The following COL23A1 variants were observed in gnomAD, a reference collection of about 807,000 sequenced individuals.
The protein encoded by COL23A1 is collagen type XXIII alpha 1 chain, also known as collagen alpha-1(XXIII) chain.
A neutral mutation model predicts 99.3 loss-of-function variants in COL23A1; 97 were observed. The ratio of observed to expected loss-of-function variants is 0.98; its 90% CI spans 0.83 to 1.16. The LOEUF is 1.16. Among genes scored for constraint, COL23A1 ranks in the 50% most tolerant of loss-of-function variants. The pLI, the probability that COL23A1 is intolerant of heterozygous loss-of-function variation, is 0.00. For synonymous variants in COL23A1, 320 were observed against 308.2 expected (o/e 1.04, Z -0.40); for missense variants, 762 against 757.4 (o/e 1.01, Z -0.07).
At chr5:178,258,727 C>T (rs958704026) in intron 12 of COL23A1, among the ~76,000 whole-genome samples, 4 of 151,820 alleles carry the variant, frequency 2.6e-5, no homozygotes, top group Non-Finnish European at 4.4e-5. Flanking sequence ...CAAGGTCTCG[C>T]GCTGTTATCC....
intron 2 of COL23A1, among the ~76,000 whole-genome samples, chr5:178,450,209 G>A (rs1285572949): frequency 2.0e-5 from 3 of 152,152 alleles, no homozygotes; most frequent in Admixed American, 2.0e-4. Flanking sequence ...GAGAAGTGTC[G>A]TTTCCAGGTG....
chr5:178,358,753 CTGTGTG>C (rs1338637265), intron 2 of COL23A1, among the ~76,000 whole-genome samples: 1 of 135,054 alleles, frequency 7.4e-6, no homozygotes, highest in South Asian at 2.4e-4. Context: ...GTGTGTGTAT[CTGTGTG>C]TGTGTATGTG....
At chr5:178,530,269 T>C (rs969317763) in intron 2 of COL23A1, among the ~76,000 whole-genome samples, 19 of 152,124 alleles carry the variant, frequency 1.2e-4, no homozygotes, top group Non-Finnish European at 1.0e-4. Context: ...AAGGCCAGCC[T>C]GAGCAATATG....
At chr5:178,561,500 C>A (rs575660528) in intron 1 of COL23A1, among the ~76,000 whole-genome samples, 1 of 152,238 alleles carries the variant, frequency 6.6e-6, no homozygotes, top group East Asian at 1.9e-4. Context: ...CCTATGGGCA[C>A]CCCTGAGGCC....
rs1298400241 is a variant in COL23A1 at position 178,255,711 on chromosome 5, C to G, written c.882+642G>C. 3 of 218,898 alleles carry G rather than the reference C, an allele frequency of 1.4e-5. No homozygotes were observed. Among genetic ancestry groups the G allele is most frequent in the South Asian group, 4.5e-5 (1 of 22,008 alleles). The allele number at this position is 218,898 out of a possible 1,614,324, so 13.6% of individuals were successfully genotyped here. A position where few individuals can be genotyped will look rare whatever the true frequency, so the allele number is the denominator to read the frequency against. On this transcript the variant is annotated intron_variant, in intron 15 of 28. Coordinates refer to ENST00000390654, the MANE Select transcript of COL23A1 (RefSeq NM_173465.4). The surrounding 1 kb of genome is among the most constrained non-coding windows in gnomAD (Gnocchi z 4.2). ...TGGGCCTCATTTGCCAGCCCTCCCC[C>G]GTCCCCAGTCACAGCCTGCCCAGAA... is the stretch of plus-strand genomic sequence containing the variant.
At chr5:178,537,592 T>G (rs1337036901) in intron 2 of COL23A1, among the ~76,000 whole-genome samples, 1 of 152,182 alleles carries the variant, frequency 6.6e-6, no homozygotes, top group African/African-American at 2.4e-5. Flanking sequence ...GACCTGTCCC[T>G]CTCTTGTCTG....
intron 5 of COL23A1, among the ~76,000 whole-genome samples, chr5:178,286,826 G>T (rs1757180554): frequency 6.6e-6 from 1 of 152,188 alleles, no homozygotes; most frequent in Admixed American, 6.5e-5. Flanking sequence ...GCTCGAGGCT[G>T]GTGGGGAACG....
chr5:178,447,816 A>G (rs1330744959), intron 2 of COL23A1, among the ~76,000 whole-genome samples: 1 of 152,154 alleles, frequency 6.6e-6, no homozygotes, highest in East Asian at 1.9e-4. Context: ...GGTGTGAAGT[A>G]AGGCTGGTAG....
At position 178,544,567 on chromosome 5, in the gene COL23A1, C is replaced by T. The variant is rs147062900; in HGVS notation, c.361+16115G>A. Among the ~76,000 whole-genome samples the T allele has an allele frequency of 2.3e-3, 350 of 152,346 alleles. 2 individuals are homozygous for T. The highest frequency in any genetic ancestry group is 8.1e-3 in the African/African-American group (338 of 41,580). ...GAGGCCCAGAGGTACAGCTAGGAAG[C>T]ATGTCCCTCCTGGGTACAGCTGACA... On this transcript the variant is annotated intron_variant, in intron 2 of 28. Coordinates refer to ENST00000390654, the MANE Select transcript of COL23A1 (RefSeq NM_173465.4). The surrounding 1 kb of genome is among the most constrained non-coding windows in gnomAD (Gnocchi z 4.4).
intron 2 of COL23A1, among the ~76,000 whole-genome samples, chr5:178,348,391 A>C (rs541965585): frequency 2.0e-5 from 3 of 152,056 alleles, no homozygotes; most frequent in African/African-American, 7.2e-5. Flanking sequence ...GGCCACCCTA[A>C]ACTGCCCCTG....
intron 5 of COL23A1, among the ~76,000 whole-genome samples, chr5:178,276,439 A>T (rs1015875686): frequency 6.6e-6 from 1 of 152,220 alleles, no homozygotes; most frequent in African/African-American, 2.4e-5. Context: ...GCTTACCAGG[A>T]TTATCAGGCC....
chr5:178,510,593 A>G (rs1759147359), intron 2 of COL23A1, among the ~76,000 whole-genome samples: 1 of 152,314 alleles, frequency 6.6e-6, no homozygotes, highest in East Asian at 1.9e-4. Context: ...GGTGCAGCAC[A>G]CCAGCATGGC....
intron 2 of COL23A1, among the ~76,000 whole-genome samples, chr5:178,440,178 A>T (rs564147842): frequency 2.1e-4 from 32 of 152,316 alleles, no homozygotes; most frequent in African/African-American, 7.0e-4. Context: ...AAAGCTGTTA[A>T]AAAAACAAAC....
At chr5:178,565,451 C>T (rs1762794793) in intron 1 of COL23A1, among the ~76,000 whole-genome samples, 1 of 152,162 alleles carries the variant, frequency 6.6e-6, no homozygotes. Flanking sequence ...CTTCTACCTG[C>T]TTACGAAGAG....
intron 2 of COL23A1, among the ~76,000 whole-genome samples, chr5:178,324,694 G>T (rs1036371955): frequency 6.6e-6 from 1 of 152,188 alleles, no homozygotes; most frequent in Non-Finnish European, 1.5e-5. Flanking sequence ...TGCCACAAGC[G>T]CGCACCCAGC....
chr5:178,278,116 G>A (rs1398846349), intron 5 of COL23A1, among the ~76,000 whole-genome samples: 1 of 152,234 alleles, frequency 6.6e-6, no homozygotes, highest in Non-Finnish European at 1.5e-5. Flanking sequence ...ACAGAAGGGT[G>A]ACCGCCACAG....
chr5:178,355,021 G>A (rs867164357), intron 2 of COL23A1, among the ~76,000 whole-genome samples: 5 of 149,186 alleles, frequency 3.4e-5, no homozygotes, highest in East Asian at 3.9e-4. Flanking sequence ...TCATAGCACC[G>A]TACTCCAGCC....
intron 2 of COL23A1, among the ~76,000 whole-genome samples, chr5:178,448,651 T>C (rs1339476194): frequency 6.6e-6 from 1 of 152,240 alleles, no homozygotes; most frequent in East Asian, 1.9e-4. Context: ...CCTTTTATTA[T>C]GAACCCACTC....
At chr5:178,362,901 C>T (rs1448116481) in intron 2 of COL23A1, among the ~76,000 whole-genome samples, 1 of 134,606 alleles carries the variant, frequency 7.4e-6, no homozygotes, top group Non-Finnish European at 1.6e-5. Context: ...CCACAGCAAC[C>T]CACCCCCACA....
Sources: allele counts gnomAD v4.1 joint callset (sites outside exome capture counted in the v4.1 genomes callset), GRCh38; gene constraint gnomAD v4.1.1; non-coding constraint Gnocchi (gnomAD v3.1); transcripts MANE v1.5; gene names NCBI Gene and HGNC (gene_info 2026-07-23, HGNC 2026-07-21).